RUFY3: variants seen among roughly 807,000 people sequenced by gnomAD.
RUFY3 encodes RUN and FYVE domain containing 3.
In RUFY3, 34 loss-of-function variants were observed where a neutral mutation model predicts 84.0. That is an observed-to-expected ratio of 0.40 (90% CI 0.31 to 0.54). The LOEUF is 0.54. Among genes scored for constraint, RUFY3 ranks in the 20% least tolerant of loss-of-function variants. The pLI is 0.39. For synonymous variants in RUFY3, 242 were observed against 252.9 expected (o/e 0.96, Z 0.41); for missense variants, 507 against 736.8 (o/e 0.69, Z 3.61).
Position 70,805,247 on chromosome 4 carries a change from GCT to G in RUFY3, c.1719+835_1719+836del, listed in dbSNP as rs150595354. Among the ~76,000 whole-genome samples, 33 of 152,314 alleles carry G rather than the reference GCT, an allele frequency of 2.2e-4. No individual in the cohort carries two copies. The East Asian group carries it at 5.8e-3, about 27-fold the overall frequency. On this transcript the variant is annotated intron_variant, in intron 17 of 17. Coordinates refer to ENST00000381006, the MANE Select transcript of RUFY3 (RefSeq NM_001037442.4). ...TTATCCTGCTCAGAACAGGATATGA[GCT>G]CTCCCTGCTAGACCACTTGTTTTCC...
In RUFY3 at chr4:70,758,433, C is replaced by A. The variant is rs144606790; in HGVS notation, c.179-4086C>A. On this transcript the variant is annotated intron_variant, in intron 1 of 17. Coordinates refer to ENST00000381006, the MANE Select transcript of RUFY3 (RefSeq NM_001037442.4). ...ATGGCTTGAGGCCAGGAGTTCAAGACCAGTTTGAGCAACATAGCAAGACTA... is the reference window on the plus strand; with the variant it reads ...ATGGCTTGAGGCCAGGAGTTCAAGAACAGTTTGAGCAACATAGCAAGACTA... Among the ~76,000 whole-genome samples, 458 of 152,146 alleles carry A rather than the reference C, an allele frequency of 3.0e-3. 3 individuals carry two copies. The highest frequency in any genetic ancestry group is 0.011 in the African/African-American group (443 of 41,506).
Position 70,800,159 on chromosome 4 carries a change from C to A in RUFY3, c.1576C>A (p.Gln526Lys). Residue 526 changes from glutamine to lysine, a missense_variant, in exon 15 of 18, where the codon CAA becomes AAA. Coordinates refer to ENST00000381006, the MANE Select transcript of RUFY3 (RefSeq NM_001037442.4). The stretch of plus-strand genomic sequence containing the variant: ...TTGGCAGGATGGGAAGCACAAAATG[C>A]AAGAGGAAAATGTTAAACTAAAAAA... Reference protein sequence around the residue: ...ESKMDGKHKMQEENVKLKKPL... With the variant: ...ESKMDGKHKMKEENVKLKKPL... The A allele has an allele frequency of 6.2e-7, 1 of 1,606,186 alleles. No homozygotes were observed. The highest frequency in any genetic ancestry group is 8.5e-7 in the Non-Finnish European group (1 of 1,177,956).
At chr4:70,719,889 A>G (rs542284739), upstream of RUFY3, among the ~76,000 whole-genome samples, 3 of 152,248 alleles carry the variant, frequency 2.0e-5, no homozygotes, top group East Asian at 5.8e-4. Context: ...AGCACCTCTT[A>G]GTGAATATCT....
chr4:70,773,391 G>T, intron 5 of RUFY3, 120 bp from the exon 6 acceptor site: 4 of 636,752 alleles, frequency 6.3e-6, no homozygotes, highest in Non-Finnish European at 8.4e-6. Context: ...ATTTTTAATC[G>T]TAAATTTCTA....
At position 70,807,663 on chromosome 4, in the gene RUFY3, C is replaced by CTTTTTT. The variant is rs57107005; in HGVS notation, c.*1016_*1021dup. On this transcript the variant is annotated 3_prime_UTR_variant, in exon 18 of 18. Transcript: ENST00000381006. The stretch of plus-strand genomic sequence containing the variant: ...TAGCCTCCCAAGTAGCTGGGACTGG[C>CTTTTTT]TTTTTTTTTTTTTTTTTGGCCGGGG... 7.9e-6 allele frequency among the ~76,000 whole-genome samples: 1 copy of CTTTTTT among 126,196 alleles called. No homozygotes were observed. The highest frequency in any genetic ancestry group is 1.7e-5 in the Non-Finnish European group (1 of 59,008). 82.8% of individuals were successfully genotyped at this position (126,196 alleles called of 152,430 possible). A position where few individuals can be genotyped will look rare whatever the true frequency, so the allele number is the denominator to read the frequency against.
rs542554144 is a variant in RUFY3, at chr4:70,726,531, G to A, written c.178+3780G>A. Among the ~76,000 whole-genome samples, 5 of 152,174 alleles carry A rather than the reference G, an allele frequency of 3.3e-5. No individual in the cohort carries two copies. In the South Asian group the frequency reaches 1.0e-3, roughly 32 times the overall value. The stretch of plus-strand genomic sequence containing the variant: ...TGGGATTACAGGCATGCGCCACCAC[G>A]CCCAGCTAATTTTGTATTTTTAGCA... On this transcript the variant is annotated intron_variant, in intron 1 of 17. Coordinates refer to ENST00000381006, the MANE Select transcript of RUFY3 (RefSeq NM_001037442.4).
Position 70,808,357 on chromosome 4 carries a change from AC to A in RUFY3, c.*1699del, listed in dbSNP as rs773103382. 6.6e-6 allele frequency among the ~76,000 whole-genome samples: 1 copy of A among 152,202 alleles called. No individual in the cohort carries two copies. Among genetic ancestry groups the A allele is most frequent in the East Asian group, 1.9e-4 (1 of 5,206 alleles). ...TGTATTGAGCAAGAGAAGGCAAAAA[AC>A]ATTACATAATATTTTGATTCTGTTA... On this transcript the variant is annotated 3_prime_UTR_variant, in exon 18 of 18. Transcript: ENST00000381006.
chr4:70,708,119 T>A, intron 1 of RUFY3, among the ~76,000 whole-genome samples: 1 of 152,258 alleles, frequency 6.6e-6, no homozygotes, highest in African/African-American at 2.4e-5. Context: ...CGAAACCCTG[T>A]TTTTAAAAAA....
Position 70,760,767 on chromosome 4 carries a change from CA to C in RUFY3, c.179-1751del, listed in dbSNP as rs563285287. ...CCACATTTAAACTATGGCCCTAAAACATTTGTTGTTATGCAAGAAAGAATTA... is the reference window on the plus strand; with the variant it reads ...CCACATTTAAACTATGGCCCTAAAACTTTGTTGTTATGCAAGAAAGAATTA... On this transcript the variant is annotated intron_variant, in intron 1 of 17. Coordinates refer to ENST00000381006, the MANE Select transcript of RUFY3 (RefSeq NM_001037442.4). Among the ~76,000 whole-genome samples, 405 of 152,266 alleles carry C rather than the reference CA, an allele frequency of 2.7e-3. 2 individuals carry two copies. Among genetic ancestry groups the C allele is most frequent in the Non-Finnish European group, 4.1e-3 (279 of 68,016 alleles).
At chr4:70,772,804 G>T (rs1727193557) in intron 5 of RUFY3, among the ~76,000 whole-genome samples, 1 of 152,018 alleles carries the variant, frequency 6.6e-6, no homozygotes, top group Non-Finnish European at 1.5e-5. Flanking sequence ...GGGATTACAG[G>T]CATGTGCCAC....
intron 1 of RUFY3, among the ~76,000 whole-genome samples, chr4:70,716,845 C>CAA (rs531822773): frequency 5.5e-5 from 4 of 72,488 alleles, no homozygotes; most frequent in Non-Finnish European, 7.1e-5. Flanking sequence ...AACTCTGTCT[C>CAA]AAAAAAAAAA....
intron 1 of RUFY3, among the ~76,000 whole-genome samples, chr4:70,725,174 AGT>A (rs1718014531): frequency 6.6e-6 from 1 of 152,112 alleles, no homozygotes; most frequent in South Asian, 2.1e-4. Flanking sequence ...TTAAAACCAG[AGT>A]TCCTGGCCCT....
chr4:70,739,683 A>G (rs1490876232), intron 1 of RUFY3, among the ~76,000 whole-genome samples: 1 of 152,124 alleles, frequency 6.6e-6, no homozygotes, highest in Non-Finnish European at 1.5e-5. Context: ...TACATAAACA[A>G]AGGCGAAGCA....
chr4:70,805,427 A>G (rs1032574659), intron 17 of RUFY3, among the ~76,000 whole-genome samples: 6 of 152,214 alleles, frequency 3.9e-5, no homozygotes, highest in Admixed American at 3.9e-4. Context: ...ATGGTACCCA[A>G]TCCATAGTAG....
chr4:70,798,526 C>T (rs901383845), intron 14 of RUFY3, among the ~76,000 whole-genome samples: 1 of 151,958 alleles, frequency 6.6e-6, no homozygotes, highest in African/African-American at 2.4e-5. Context: ...CACAGTGGCT[C>T]ATGCCTGAAC....
chr4:70,733,717 A>G (rs556839832), intron 1 of RUFY3, among the ~76,000 whole-genome samples: 163 of 152,326 alleles, frequency 1.1e-3, no homozygotes, highest in African/African-American at 3.8e-3. Context: ...TAAGCTGCAT[A>G]TTTACTATAG....
chr4:70,704,868 C>T, exon 1 of RUFY3: 1 of 1,061,750 alleles, frequency 9.4e-7, no homozygotes, highest in Non-Finnish European at 1.2e-6. Flanking sequence ...CGGCTCCTCG[C>T]CCTGACCCTC....
intron 1 of RUFY3, among the ~76,000 whole-genome samples, chr4:70,733,077 G>A (rs56240230): frequency 0.085 from 8,052 of 94,510 alleles, 704 homozygotes; most frequent in African/African-American, 0.26. Flanking sequence ...AAAAGAAAGA[G>A]AGAGAGAGAG....
intron 14 of RUFY3, chr4:70,799,557 G>A (rs6834519): frequency 0.027 from 4,097 of 152,446 alleles, 80 homozygotes; most frequent in Middle Eastern, 0.054. Context: ...AGCCAGGCAC[G>A]GTGATGCACG....
Sources: gnomAD v4.1 joint callset for allele counts (sites outside exome capture counted in the v4.1 genomes callset) on GRCh38, gnomAD v4.1.1 for gene constraint, MANE v1.5 for transcripts, NCBI Gene and HGNC (gene_info 2026-07-23, HGNC 2026-07-21) for gene names.